Variants in FRYL observed in about 807,000 individuals in gnomAD.
The protein encoded by FRYL is protein furry homolog-like.
Under a neutral mutation model 351.2 loss-of-function variants are expected in FRYL, and 150 were observed. The observed-to-expected ratio is 0.43, with a 90% CI of 0.37 to 0.49. FRYL has a LOEUF of 0.49. Among genes scored for constraint, FRYL ranks in the 20% least tolerant of loss-of-function variants. FRYL has a pLI of 0.00. For missense variants in FRYL, 3,036 were observed against 3,619.3 expected (o/e 0.84, Z 4.13); for synonymous variants, 1,153 against 1,257.1 (o/e 0.92, Z 1.75).
intron 1 of FRYL, among the ~76,000 whole-genome samples, chr4:48,742,494 T>C (rs1347987599): frequency 6.6e-6 from 1 of 152,178 alleles, no homozygotes; most frequent in East Asian, 1.9e-4. Context: ...TTTCTATCTA[T>C]ACTCCAACTT....
At chr4:48,523,884 G>A (rs1290420657) in intron 53 of FRYL, among the ~76,000 whole-genome samples, 2 of 152,126 alleles carry the variant, frequency 1.3e-5, no homozygotes, top group African/African-American at 4.8e-5. Context: ...AAATTCAATG[G>A]TCATTTTTTG....
At chr4:48,562,576 A>G (rs1296748003) in intron 32 of FRYL, among the ~76,000 whole-genome samples, 3 of 152,230 alleles carry the variant, frequency 2.0e-5, no homozygotes, top group African/African-American at 7.2e-5. Flanking sequence ...ATTTGGACAC[A>G]CATTGTTCTC....
chr4:48,509,346 A>T (rs1357607288), intron 59 of FRYL, among the ~76,000 whole-genome samples: 2 of 152,248 alleles, frequency 1.3e-5, no homozygotes, highest in East Asian at 1.9e-4. Flanking sequence ...GATCCATTTG[A>T]AAAGGGGCTC....
intron 13 of FRYL, 84 bp from the exon 14 acceptor site, chr4:48,596,084 G>T: frequency 1.1e-6 from 1 of 891,164 alleles, no homozygotes; most frequent in East Asian, 2.7e-5. Context: ...ACAACTAAAA[G>T]CCAATCTTTT....
intron 16 of FRYL, among the ~76,000 whole-genome samples, chr4:48,592,097 TA>T (rs1743467141): frequency 2.5e-5 from 1 of 39,286 alleles, no homozygotes; most frequent in Non-Finnish European, 7.3e-5. Flanking sequence ...TATATATATA[TA>T]TATATATATA....
In FRYL at chr4:48,527,620, C is replaced by T. The variant is rs754201623; in HGVS notation, c.7174G>A (p.Gly2392Ser). The change falls in exon 53 of 64, where the codon GGT (glycine) becomes AGT (serine). Residue 2392 changes from glycine to serine, a missense_variant. Physicochemically the swap from Gly to Ser is moderately conservative, Grantham distance 56. This residue lies in a region of FRYL where 1,987 missense variants were observed against 2,311.7 expected (regional missense o/e 0.86). Coordinates refer to ENST00000358350, the MANE Select transcript of FRYL (RefSeq NM_015030.2). ...VFSSNEDLEV[G>S]DQQTSLISTT... is the part of the protein sequence containing the mutation. ...GAAATTAGGCTAGTCTGTTGGTCAC[C>T]GACTTCCAAATCCTCATTAGAAGAA... 9.9e-6 allele frequency: 16 copies of T among 1,611,210 alleles called. No homozygotes were observed. The Admixed American group carries it at 1.2e-4, about 12-fold the overall frequency.
chr4:48,561,732 C>G (rs1312492100), intron 32 of FRYL, 96 bp from the exon 33 acceptor site: 7 of 950,850 alleles, frequency 7.4e-6, no homozygotes. Context: ...CTCTTCTCCC[C>G]AGCTGAGTGG....
intron 47 of FRYL, among the ~76,000 whole-genome samples, chr4:48,538,393 T>C (rs1729360576): frequency 6.6e-6 from 1 of 152,228 alleles, no homozygotes; most frequent in Non-Finnish European, 1.5e-5. Context: ...GAGCATATTT[T>C]ATTAAATATT....
intron 1 of FRYL, among the ~76,000 whole-genome samples, chr4:48,769,872 T>C (rs1295551073): frequency 2.6e-5 from 4 of 152,092 alleles, no homozygotes; most frequent in Admixed American, 6.6e-5. Context: ...CTCAAAATGA[T>C]AGAGTGAAAA....
chr4:48,509,320 ATATCT>A (rs1407825878), intron 59 of FRYL, among the ~76,000 whole-genome samples: 5 of 152,234 alleles, frequency 3.3e-5, no homozygotes, highest in African/African-American at 1.2e-4. Context: ...AATTCACAAA[ATATCT>A]TAAATGAAGA....
At chr4:48,550,197 C>A (rs778394109) in intron 38 of FRYL, among the ~76,000 whole-genome samples, 20 of 152,304 alleles carry the variant, frequency 1.3e-4, no homozygotes, top group Non-Finnish European at 2.1e-4. Flanking sequence ...TTCTATGATA[C>A]CCTGCCTTAA....
At chr4:48,671,598 C>T (rs1284147895) in intron 3 of FRYL, among the ~76,000 whole-genome samples, 3 of 152,046 alleles carry the variant, frequency 2.0e-5, no homozygotes, top group Non-Finnish European at 4.4e-5. Flanking sequence ...ACCCGGGAGG[C>T]AGAGGTTGTG....
At position 48,570,792 on chromosome 4, in the gene FRYL, T is replaced by C. The variant is rs370102060; in HGVS notation, c.2996+35A>G. 6.2e-6 allele frequency: 9 copies of C among 1,440,418 alleles called. No homozygotes were observed. In the African/African-American group the frequency reaches 1.3e-4, roughly 20 times the overall value. The allele number at this position is 1,440,418 out of a possible 1,614,324, so 89.2% of individuals were successfully genotyped here. ...AAAGAGATTACGTTCTCTAGGATCA[T>C]TCCAGAGTTTTAACAATGTGAATCC... On this transcript the variant is annotated intron_variant, in intron 27 of 63. Coordinates refer to ENST00000358350, the MANE Select transcript of FRYL (RefSeq NM_015030.2).
chr4:48,682,018 C>T (rs1764680475), intron 3 of FRYL, among the ~76,000 whole-genome samples: 1 of 152,060 alleles, frequency 6.6e-6, no homozygotes, highest in Non-Finnish European at 1.5e-5. Context: ...CTTTGCCTGC[C>T]CTCTTGTGGG....
intron 13 of FRYL, among the ~76,000 whole-genome samples, chr4:48,598,153 G>GT (rs1204976734): frequency 6.6e-6 from 1 of 152,098 alleles, no homozygotes; most frequent in Non-Finnish European, 1.5e-5. Context: ...GTCTCAGCTT[G>GT]AACTCAGGAG....
At chr4:48,625,626 G>A (rs1418682274) in intron 4 of FRYL, among the ~76,000 whole-genome samples, 2 of 152,150 alleles carry the variant, frequency 1.3e-5, no homozygotes, top group African/African-American at 2.4e-5. Context: ...ACAGGAGGAT[G>A]TGCATAGGTT....
chr4:48,757,660 A>G (rs1773938066), intron 1 of FRYL, among the ~76,000 whole-genome samples: 1 of 152,202 alleles, frequency 6.6e-6, no homozygotes, highest in East Asian at 1.9e-4. Flanking sequence ...AAATGGCCAT[A>G]CTGCCCAAGG....
chr4:48,509,208 C>T (rs1721964067), intron 59 of FRYL, among the ~76,000 whole-genome samples: 1 of 152,152 alleles, frequency 6.6e-6, no homozygotes, highest in Non-Finnish European at 1.5e-5. Context: ...CTTCGCAATA[C>T]ATACATCCAA....
intron 1 of FRYL, among the ~76,000 whole-genome samples, chr4:48,760,193 G>A (rs138760977): frequency 2.6e-5 from 4 of 151,206 alleles, no homozygotes; most frequent in Non-Finnish European, 4.4e-5. Flanking sequence ...ATGGAGTCTC[G>A]CTCTGTGGCC....
Sources: gnomAD v4.1 joint callset for allele counts (sites outside exome capture counted in the v4.1 genomes callset) on GRCh38, gnomAD v4.1.1 for gene constraint, gnomAD v4.1.1 regional missense constraint, MANE v1.5 for transcripts, NCBI Gene and HGNC (gene_info 2026-07-23, HGNC 2026-07-21) for gene names.